The following DYNC1I1 variants were observed in gnomAD, a reference collection of about 807,000 sequenced individuals.
DYNC1I1 encodes cytoplasmic dynein 1 intermediate chain 1.
DYNC1I1 carries 43 observed loss-of-function variants against 86.6 expected under a neutral mutation model. The observed-to-expected ratio is 0.50, with a 90% confidence interval of 0.39 to 0.64. The LOEUF is 0.64. DYNC1I1 is among the 30% of genes least tolerant of loss of function. The probability of loss-of-function intolerance (pLI) is 0.00; values close to 1 mark genes in which losing one functional copy is unlikely to be tolerated. For synonymous variants in DYNC1I1, 262 were observed against 283.7 expected (o/e 0.92, Z 0.77); for missense variants, 604 against 788.8 (o/e 0.77, Z 2.81).
intron 10 of DYNC1I1, among the ~76,000 whole-genome samples, chr7:96,027,931 A>T (rs1007531235): frequency 5.9e-5 from 9 of 152,220 alleles, no homozygotes; most frequent in African/African-American, 1.9e-4. Flanking sequence ...CTATTTGATA[A>T]AATGGACAGG....
intron 14 of DYNC1I1, among the ~76,000 whole-genome samples, chr7:96,071,436 C>G (rs1790157246): frequency 6.6e-6 from 1 of 152,152 alleles, no homozygotes; most frequent in African/African-American, 2.4e-5. Context: ...GTTAAATTTC[C>G]CAAGGTCTGT....
intron 1 of DYNC1I1, among the ~76,000 whole-genome samples, chr7:95,785,775 G>GTGTGTATATA (rs1317168531): frequency 3.6e-4 from 45 of 124,864 alleles, no homozygotes; most frequent in African/African-American, 1.1e-3. Flanking sequence ...GTGTGTATGT[G>GTGTGTATATA]TATATATATA....
At chr7:95,992,666 C>A (rs1394518351) in intron 9 of DYNC1I1, among the ~76,000 whole-genome samples, 1 of 151,956 alleles carries the variant, frequency 6.6e-6, no homozygotes, top group Non-Finnish European at 1.5e-5. Flanking sequence ...GTCACCCAGA[C>A]TGGAGTGCAG....
intron 16 of DYNC1I1, among the ~76,000 whole-genome samples, chr7:96,084,134 T>C (rs1255708713): frequency 6.6e-6 from 1 of 151,968 alleles, no homozygotes; most frequent in Non-Finnish European, 1.5e-5. Flanking sequence ...TCTTGAAGAG[T>C]ATAGGACCTG....
chr7:95,841,403 T>C (rs1226768770), intron 5 of DYNC1I1, among the ~76,000 whole-genome samples: 1 of 151,834 alleles, frequency 6.6e-6, no homozygotes, highest in African/African-American at 2.4e-5. Context: ...GTGTAACCCC[T>C]CCCAGGGAGA....
intron 6 of DYNC1I1, among the ~76,000 whole-genome samples, chr7:95,918,349 T>C (rs1161981185): frequency 6.6e-6 from 1 of 152,216 alleles, no homozygotes; most frequent in Non-Finnish European, 1.5e-5. Flanking sequence ...GTTGGTGTTG[T>C]TGTTCCTGTG....
intron 1 of DYNC1I1, 91 bp downstream of exon 1, chr7:95,772,864 A>G (rs1388238287): frequency 1.3e-5 from 2 of 152,034 alleles, no homozygotes; most frequent in Non-Finnish European, 2.9e-5. Flanking sequence ...TGCGCTGGGA[A>G]CCAGGCTGGA....
At chr7:95,900,893 A>G (rs989753847) in intron 6 of DYNC1I1, among the ~76,000 whole-genome samples, 1 of 152,226 alleles carries the variant, frequency 6.6e-6, no homozygotes, top group African/African-American at 2.4e-5. Flanking sequence ...TTCCTTCTAA[A>G]TAAGTTGAGT....
At chr7:95,881,398 C>T (rs1032858590) in intron 6 of DYNC1I1, among the ~76,000 whole-genome samples, 2 of 152,094 alleles carry the variant, frequency 1.3e-5, no homozygotes. Context: ...AACCTGATCA[C>T]TATTACCATA....
intron 9 of DYNC1I1, among the ~76,000 whole-genome samples, chr7:95,993,472 G>A (rs1213022247): frequency 6.6e-6 from 1 of 152,178 alleles, no homozygotes; most frequent in Non-Finnish European, 1.5e-5. Context: ...TGTTTATAGA[G>A]TTGCCTTTTC....
In DYNC1I1 at chr7:96,097,530, T is replaced by C. The variant is rs1791052208; in HGVS notation, c.1824T>C (p.Leu608=). ...AATGGACCCGATTTGCCAGGACCCTTGTGGAAATTCGTGCTAACAGAGCTG... is the reference window on the plus strand; with the variant it reads ...AATGGACCCGATTTGCCAGGACCCTCGTGGAAATTCGTGCTAACAGAGCTG... ...NDEWTRFART[L]VEIRANRADS... The change falls in exon 17 of 17, where the codon CTT becomes CTC. Residue 608 remains leucine (L), a synonymous_variant. Transcript: ENST00000447467. The C allele has an allele frequency of 1.2e-6, 2 of 1,613,674 alleles. No homozygotes were observed. Among genetic ancestry groups the C allele is most frequent in the South Asian group, 1.1e-5 (1 of 91,076 alleles).
At chr7:96,001,826 G>A (rs1359789175) in intron 10 of DYNC1I1, among the ~76,000 whole-genome samples, 1 of 152,066 alleles carries the variant, frequency 6.6e-6, no homozygotes, top group Non-Finnish European at 1.5e-5. Flanking sequence ...CACATTGAGG[G>A]TGGGGGCTTC....
chr7:95,918,968 G>C (rs1296594571), intron 6 of DYNC1I1, among the ~76,000 whole-genome samples: 1 of 152,068 alleles, frequency 6.6e-6, no homozygotes, highest in Non-Finnish European at 1.5e-5. Context: ...ACAGTTTTAG[G>C]AACTGTTTTT....
At chr7:96,021,800 G>T (rs1027496807) in intron 10 of DYNC1I1, among the ~76,000 whole-genome samples, 1 of 152,124 alleles carries the variant, frequency 6.6e-6, no homozygotes, top group Non-Finnish European at 1.5e-5. Flanking sequence ...TTAGCGTAAT[G>T]ATTTCAAGGT....
intron 5 of DYNC1I1, among the ~76,000 whole-genome samples, chr7:95,839,117 G>T (rs184743067): frequency 6.6e-6 from 1 of 152,062 alleles, no homozygotes; most frequent in Admixed American, 6.5e-5. Flanking sequence ...TGCAACCTCC[G>T]CCTCCCAGGT....
chr7:96,028,976 C>T (rs1405726836), intron 11 of DYNC1I1, among the ~76,000 whole-genome samples: 2 of 152,166 alleles, frequency 1.3e-5, no homozygotes, highest in Non-Finnish European at 2.9e-5. Context: ...ACAGGCGTGT[C>T]TCCATCAATC....
intron 6 of DYNC1I1, among the ~76,000 whole-genome samples, chr7:95,975,190 T>C (rs188672409): frequency 2.9e-4 from 44 of 152,352 alleles, no homozygotes; most frequent in Non-Finnish European, 5.9e-4. Flanking sequence ...GTATCCCTTC[T>C]ACTAAATTGT....
chr7:95,947,835 C>T (rs1332993495), intron 6 of DYNC1I1, among the ~76,000 whole-genome samples: 1 of 152,172 alleles, frequency 6.6e-6, no homozygotes, highest in Non-Finnish European at 1.5e-5. Context: ...CCTTTTCAAG[C>T]ATCACGGTTA....
At chr7:95,936,956 T>TCTCACACACACACACA (rs750834189) in intron 6 of DYNC1I1, among the ~76,000 whole-genome samples, 25,932 of 133,802 alleles carry the variant, frequency 0.19, 3,079 homozygotes, top group Non-Finnish European at 0.26. Context: ...AGAATATGTC[T>TCTCACACACACACACA]CACACACACA....
Sources: gnomAD v4.1 joint callset for allele counts (sites outside exome capture counted in the v4.1 genomes callset) on GRCh38, gnomAD v4.1.1 for gene constraint, MANE v1.5 for transcripts, NCBI Gene and HGNC (gene_info 2026-07-23, HGNC 2026-07-21) for gene names.